UNC13B: variants seen among roughly 807,000 people sequenced by gnomAD.
The protein encoded by UNC13B is protein unc-13 homolog B.
UNC13B carries 144 observed loss-of-function variants against 211.0 expected under a neutral mutation model. The ratio of observed to expected loss-of-function variants is 0.68; its 90% CI spans 0.60 to 0.78. The LOEUF (loss-of-function observed/expected upper bound fraction) is 0.78. Among genes scored for constraint, UNC13B ranks in the 30% least tolerant of loss-of-function variants. The pLI is 0.00. For synonymous variants in UNC13B, 709 were observed against 725.8 expected (o/e 0.98, Z 0.37); for missense variants, 1,777 against 2,002.0 (o/e 0.89, Z 2.14).
At position 35,295,722 on chromosome 9, in the gene UNC13B, G is replaced by A. The variant is rs141451741; in HGVS notation, c.553G>A (p.Asp185Asn). Residue 185 changes from aspartate to asparagine, a missense_variant, in exon 8 of 40, where the codon GAT becomes AAT. Asp to Asn is a conservative substitution (Grantham distance 23, BLOSUM62 1). Coordinates refer to ENST00000635942, the MANE Select transcript of UNC13B (RefSeq NM_001371189.2). ...CSFEDPDSAV[D>N]DRDSDYRSET... ...TTTTGAAGACCCTGATAGTGCCGTC[G>A]ATGACCGAGATAGTGACTATCGCAG... is the stretch of plus-strand genomic sequence containing the variant. 8.7e-6 allele frequency: 14 copies of A among 1,613,910 alleles called. No individual in the cohort carries two copies. In the African/African-American group the frequency reaches 9.4e-5, roughly 11 times the overall value.
At chr9:35,162,358 C>T (rs1241382502) in intron 1 of UNC13B, 53 bp downstream of exon 1, 2 of 1,496,262 alleles carry the variant, frequency 1.3e-6, no homozygotes, top group Non-Finnish European at 1.8e-6. Flanking sequence ...GAGGTCCCCG[C>T]ACCCTTCCAG....
At chr9:35,211,984 C>T (rs1364752219) in intron 1 of UNC13B, among the ~76,000 whole-genome samples, 2 of 152,150 alleles carry the variant, frequency 1.3e-5, no homozygotes, top group Admixed American at 1.3e-4. Flanking sequence ...GGATTACAGG[C>T]ATCAGCCACT....
intron 1 of UNC13B, among the ~76,000 whole-genome samples, chr9:35,197,847 T>C (rs1447274213): frequency 6.6e-6 from 1 of 152,188 alleles, no homozygotes; most frequent in Non-Finnish European, 1.5e-5. Flanking sequence ...GAGGCATCCC[T>C]TGCCATGCTT....
intron 37 of UNC13B, among the ~76,000 whole-genome samples, chr9:35,402,872 C>T (rs922975324): frequency 3.9e-5 from 6 of 152,150 alleles, no homozygotes; most frequent in Admixed American, 1.3e-4. Context: ...CCTACCCCAA[C>T]GTCTTTCAGT....
At chr9:35,190,555 C>A (rs556118815) in intron 1 of UNC13B, among the ~76,000 whole-genome samples, 3 of 151,910 alleles carry the variant, frequency 2.0e-5, no homozygotes, top group Non-Finnish European at 4.4e-5. Context: ...TTCTTCCCCC[C>A]CTCCCCCAAA....
rs1291698191 is a variant in UNC13B at position 35,201,865 on chromosome 9, T to C, written c.23-26150T>C. The stretch of plus-strand genomic sequence containing the variant: ...CAGTTCTGCTCTGATCTTAGTTATT[T>C]CTTGCCTTCTGCTAGCTTTTGAATG... On this transcript the variant is annotated intron_variant, in intron 1 of 39. Transcript: ENST00000635942. Among the ~76,000 whole-genome samples the C allele has an allele frequency of 7.2e-5, 11 of 152,322 alleles. No homozygotes were observed. The East Asian group carries it at 2.1e-3, about 29-fold the overall frequency.
At chr9:35,171,657 G>C (rs928769738) in intron 1 of UNC13B, among the ~76,000 whole-genome samples, 2 of 152,164 alleles carry the variant, frequency 1.3e-5, no homozygotes, top group African/African-American at 4.8e-5. Context: ...TTCTCTCTGG[G>C]ACTCCCAAAG....
At chr9:35,261,107 T>TGAAA (rs1224287549) in intron 7 of UNC13B, among the ~76,000 whole-genome samples, 2 of 152,292 alleles carry the variant, frequency 1.3e-5, no homozygotes, top group South Asian at 2.1e-4. Flanking sequence ...ATAGAAAAGT[T>TGAAA]GAAAGAACAG....
intron 6 of UNC13B, among the ~76,000 whole-genome samples, chr9:35,248,941 T>A (rs1042557560): frequency 5.3e-5 from 8 of 152,098 alleles, no homozygotes; most frequent in Non-Finnish European, 1.2e-4. Context: ...GAGCTGTCTA[T>A]TGTTGACAGT....
At chr9:35,203,346 G>T (rs1482771792) in intron 1 of UNC13B, among the ~76,000 whole-genome samples, 1 of 152,186 alleles carries the variant, frequency 6.6e-6, no homozygotes, top group Non-Finnish European at 1.5e-5. Flanking sequence ...TTATAAGGCA[G>T]GCCTGGTGGT....
rs747431197 is a variant in UNC13B at position 35,376,165 on chromosome 9, C to T, written c.9753C>T (p.Ala3251=). ...GTGAAGGCCTGCTCTGGGGCATTGC[C>T]CGGCAGGGCATGCGCTGCAGCGAAT... ...YECEGLLWGI[A]RQGMRCSECG... is the part of the protein sequence containing the mutation. Residue 3251 remains alanine, a synonymous_variant, in exon 15 of 40, where the codon GCC becomes GCT. Coordinates refer to ENST00000635942, the MANE Select transcript of UNC13B (RefSeq NM_001371189.2). The T allele has an allele frequency of 2.5e-6, 4 of 1,614,198 alleles. No homozygotes were observed. In the South Asian group the frequency reaches 4.4e-5, roughly 18 times the overall value.
chr9:35,343,887 C>A (rs1452307037), intron 11 of UNC13B, among the ~76,000 whole-genome samples: 2 of 151,444 alleles, frequency 1.3e-5, no homozygotes, highest in Admixed American at 6.6e-5. Flanking sequence ...GAAACAAATG[C>A]AAGTATATGA....
At chr9:35,367,708 A>G (rs914595564) in intron 12 of UNC13B, among the ~76,000 whole-genome samples, 2 of 152,100 alleles carry the variant, frequency 1.3e-5, no homozygotes, top group Non-Finnish European at 2.9e-5. Flanking sequence ...TGTAGTCAGG[A>G]TATAAGTAAC....
intron 1 of UNC13B, among the ~76,000 whole-genome samples, chr9:35,198,625 G>A (rs768905454): frequency 5.3e-5 from 8 of 152,136 alleles, no homozygotes; most frequent in Admixed American, 1.3e-4. Context: ...GAGGTTGGAC[G>A]AGTGTGGAGG....
At chr9:35,286,312 A>C (rs1828791468) in intron 7 of UNC13B, among the ~76,000 whole-genome samples, 1 of 147,498 alleles carries the variant, frequency 6.8e-6, no homozygotes, top group Admixed American at 7.0e-5. Context: ...GGCTCACTGC[A>C]ACCTCCACCT....
At chr9:35,393,479 G>A (rs1403133959) in intron 26 of UNC13B, among the ~76,000 whole-genome samples, 1 of 152,094 alleles carries the variant, frequency 6.6e-6, no homozygotes, top group Non-Finnish European at 1.5e-5. Context: ...CAGAGGGTAG[G>A]GGAAGAGATA....
chr9:35,202,768 A>G (rs188340865), intron 1 of UNC13B, among the ~76,000 whole-genome samples: 1 of 149,518 alleles, frequency 6.7e-6, no homozygotes, highest in East Asian at 1.9e-4. Context: ...GGGTCTCCTG[A>G]ATACAGCACA....
At chr9:35,370,249 G>T in intron 12 of UNC13B, 69 bp from the exon 13 acceptor site, 1 of 1,382,926 alleles carries the variant, frequency 7.2e-7, no homozygotes. Context: ...CAAGGTGAAT[G>T]GAACACTGAA....
intron 7 of UNC13B, among the ~76,000 whole-genome samples, chr9:35,288,692 T>G (rs1245127298): frequency 1.3e-5 from 2 of 152,226 alleles, no homozygotes; most frequent in Non-Finnish European, 2.9e-5. Context: ...TGTTTTTTCA[T>G]GCGTTAGAGA....
Sources: allele counts gnomAD v4.1 joint callset (sites outside exome capture counted in the v4.1 genomes callset), GRCh38; gene constraint gnomAD v4.1.1; transcripts MANE v1.5; gene names NCBI Gene and HGNC (gene_info 2026-07-23, HGNC 2026-07-21).